The following GRIK4 variants were observed in gnomAD, a reference collection of about 807,000 sequenced individuals.
GRIK4 encodes glutamate receptor ionotropic, kainate 4.
A neutral mutation model predicts 104.9 loss-of-function variants in GRIK4; 40 were observed. The ratio of observed to expected loss-of-function variants is 0.38; its 90% CI spans 0.30 to 0.50. GRIK4 has a LOEUF of 0.50. Ranked by LOEUF, GRIK4 falls within the 20% of genes least tolerant of loss-of-function variation. The pLI, the probability that GRIK4 is intolerant of heterozygous loss-of-function variation, is 0.93. For synonymous variants in GRIK4, 485 were observed against 524.9 expected, an observed-to-expected ratio of 0.92 and a Z score of 1.04; for missense variants, 1,047 against 1,308.1, an observed-to-expected ratio of 0.80 and a Z score of 3.08.
At chr11:120,622,783 G>C (rs972495944) in intron 1 of GRIK4, among the ~76,000 whole-genome samples, 7 of 152,234 alleles carry the variant, frequency 4.6e-5, no homozygotes, top group African/African-American at 1.7e-4. Flanking sequence ...TGCAGCATCT[G>C]GTGGCTTTAG....
chr11:120,516,999 A>G (rs1360958116), intron 1 of GRIK4, among the ~76,000 whole-genome samples: 1 of 129,006 alleles, frequency 7.8e-6, no homozygotes, highest in Non-Finnish European at 1.7e-5. Context: ...GGGCCAGCTT[A>G]AGGCATCTCG....
intron 3 of GRIK4, among the ~76,000 whole-genome samples, chr11:120,750,944 G>C (rs574573740): frequency 2.0e-5 from 3 of 152,304 alleles, no homozygotes; most frequent in Middle Eastern, 3.4e-3. Flanking sequence ...GTCAGGATTT[G>C]AACCCAGATC....
chr11:120,629,642 G>A (rs947240493), intron 1 of GRIK4, among the ~76,000 whole-genome samples: 4 of 152,180 alleles, frequency 2.6e-5, no homozygotes, highest in African/African-American at 7.2e-5. Flanking sequence ...CCTCCACCAG[G>A]TGTGAATTGA....
chr11:120,678,592 A>G (rs890790715), intron 3 of GRIK4, among the ~76,000 whole-genome samples: 1 of 151,532 alleles, frequency 6.6e-6, no homozygotes, highest in Non-Finnish European at 1.5e-5. Flanking sequence ...GTGGTCCTAT[A>G]GACCAGGCGA....
rs573396119 is a variant in GRIK4 at position 120,662,056 on chromosome 11, G to A, written c.82+1656G>A. ...GGCAACCCATCAATTTCCATTTGTC[G>A]CTAATGGGAAGCGGAAAGGGATTGA... On this transcript the variant is annotated intron_variant, in intron 3 of 20. Transcript: ENST00000527524. Among the ~76,000 whole-genome samples the A allele has an allele frequency of 3.9e-5, 6 of 152,276 alleles. No homozygotes were observed. The South Asian group carries it at 1.0e-3, about 26-fold the overall frequency.
chr11:120,966,934 C>A (rs1221969294), intron 18 of GRIK4, among the ~76,000 whole-genome samples: 1 of 152,150 alleles, frequency 6.6e-6, no homozygotes, highest in Non-Finnish European at 1.5e-5. Flanking sequence ...ATGGGCTGGA[C>A]CTGCCAGTCA....
intron 1 of GRIK4, among the ~76,000 whole-genome samples, chr11:120,638,511 C>A (rs1056270145): frequency 6.6e-6 from 1 of 150,710 alleles, no homozygotes; most frequent in African/African-American, 2.4e-5. Context: ...GACGGAGTCT[C>A]GTGTCACCCA....
intron 18 of GRIK4, among the ~76,000 whole-genome samples, chr11:120,964,364 A>T (rs968019390): frequency 6.6e-5 from 10 of 152,066 alleles, no homozygotes; most frequent in African/African-American, 2.4e-4. Context: ...TCATCTCTGA[A>T]CTCTGTAAAT....
intron 4 of GRIK4, among the ~76,000 whole-genome samples, chr11:120,814,093 C>A (rs1952883267): frequency 6.6e-6 from 1 of 152,216 alleles, no homozygotes; most frequent in Non-Finnish European, 1.5e-5. Context: ...CAAATCTGAG[C>A]TGGGCTCCTA....
chr11:120,737,826 C>T (rs1276401053), intron 3 of GRIK4, among the ~76,000 whole-genome samples: 1 of 152,062 alleles, frequency 6.6e-6, no homozygotes, highest in Admixed American at 6.5e-5. Flanking sequence ...ATTTCTATAT[C>T]TTAACCTGCA....
chr11:120,535,382 G>A (rs1947964058), intron 1 of GRIK4, among the ~76,000 whole-genome samples: 1 of 151,806 alleles, frequency 6.6e-6, no homozygotes, highest in African/African-American at 2.4e-5. Flanking sequence ...GGGGAGGTAA[G>A]AGGGAGGGAG....
chr11:120,523,223 G>GT (rs1004675533), intron 1 of GRIK4, among the ~76,000 whole-genome samples: 41 of 151,020 alleles, frequency 2.7e-4, no homozygotes, highest in Non-Finnish European at 5.6e-4. Flanking sequence ...CCTTTGAAAC[G>GT]TAACGGTCCT....
chr11:120,879,256 G>T (rs1954898780), intron 11 of GRIK4, among the ~76,000 whole-genome samples: 1 of 152,200 alleles, frequency 6.6e-6, no homozygotes, highest in Non-Finnish European at 1.5e-5. Flanking sequence ...CTTCAGCCAG[G>T]TCTGTTGGTC....
At chr11:120,895,600 C>T (rs1421356646) in intron 11 of GRIK4, among the ~76,000 whole-genome samples, 2 of 152,142 alleles carry the variant, frequency 1.3e-5, no homozygotes, top group Non-Finnish European at 2.9e-5. Context: ...ACATTCGTAT[C>T]CCCACCCCAA....
intron 1 of GRIK4, among the ~76,000 whole-genome samples, chr11:120,551,373 G>A (rs983585833): frequency 3.3e-5 from 5 of 152,206 alleles, no homozygotes; most frequent in African/African-American, 1.2e-4. Context: ...ATTCCAGAGT[G>A]GGTCCCGCCC....
intron 13 of GRIK4, among the ~76,000 whole-genome samples, chr11:120,912,704 T>TAAAGCA (rs1943026759): frequency 6.6e-6 from 1 of 152,180 alleles, no homozygotes; most frequent in African/African-American, 2.4e-5. Context: ...TAAAGGGTTG[T>TAAAGCA]AGCTAGAGGG....
chr11:120,951,394 C>T (rs1943997534), intron 14 of GRIK4, among the ~76,000 whole-genome samples: 1 of 152,214 alleles, frequency 6.6e-6, no homozygotes, highest in South Asian at 2.1e-4. Flanking sequence ...ATAATGAAAG[C>T]TCAGAAGGCT....
At chr11:120,882,469 C>T (rs1017933654) in intron 11 of GRIK4, among the ~76,000 whole-genome samples, 2 of 152,164 alleles carry the variant, frequency 1.3e-5, no homozygotes, top group Non-Finnish European at 2.9e-5. Flanking sequence ...GGCTGCTTGA[C>T]AGGCGATTTC....
intron 1 of GRIK4, among the ~76,000 whole-genome samples, chr11:120,617,376 C>CTTAT (rs1303931253): frequency 4.9e-4 from 74 of 151,370 alleles, no homozygotes; most frequent in African/African-American, 9.2e-4. Flanking sequence ...TTTATTTTAT[C>CTTAT]TTATTTATTT....
Sources: gnomAD v4.1 joint callset for allele counts (sites outside exome capture counted in the v4.1 genomes callset) on GRCh38, gnomAD v4.1.1 for gene constraint, MANE v1.5 for transcripts, NCBI Gene and HGNC (gene_info 2026-07-23, HGNC 2026-07-21) for gene names.